The following PKIG variants were observed in gnomAD, a reference collection of about 807,000 sequenced individuals.
The protein encoded by PKIG is protein kinase (cAMP-dependent, catalytic) inhibitor gamma.
Under a neutral mutation model 6.8 loss-of-function variants are expected in PKIG, and 1 was observed. The observed-to-expected ratio is 0.15, with a 90% CI of 0.05 to 0.69. PKIG has a LOEUF of 0.69. Among genes scored for constraint, PKIG ranks in the 30% least tolerant of loss-of-function variants. The pLI is 0.82. For missense variants in PKIG, 77 were observed against 104.0 expected (o/e 0.74, Z 1.13); for synonymous variants, 39 against 43.0 (o/e 0.91, Z 0.36).
chr20:44,615,083 A>G (rs762391495), intron 3 of PKIG, among the ~76,000 whole-genome samples: 16 of 151,894 alleles, frequency 1.1e-4, no homozygotes, highest in South Asian at 6.2e-4. Context: ...GTTCAGCTCT[A>G]TGCAGCAGCC....
chr20:44,541,351 C>T (rs573773607), intron 1 of PKIG, among the ~76,000 whole-genome samples: 28 of 152,190 alleles, frequency 1.8e-4, no homozygotes, highest in Non-Finnish European at 3.4e-4. Context: ...TACTGTGGTG[C>T]AACCATAGTT....
chr20:44,543,173 T>C lies in PKIG; in HGVS notation c.-241+11195T>C, dbSNP rs567259275. Among the ~76,000 whole-genome samples, 17 of 152,298 alleles carry C rather than the reference T, an allele frequency of 1.1e-4. No homozygotes were observed. In the South Asian group the frequency reaches 3.5e-3, roughly 32 times the overall value. On this transcript the variant is annotated intron_variant, in intron 1 of 4. Transcript: ENST00000372887. ...AGCTTCCTCACTTGTAAAGTGGATATTATGAGAGTTCCTTGTTTCTTGTGA... is the reference window on the plus strand; with the variant it reads ...AGCTTCCTCACTTGTAAAGTGGATACTATGAGAGTTCCTTGTTTCTTGTGA...
intron 1 of PKIG, among the ~76,000 whole-genome samples, chr20:44,539,670 C>T (rs764394582): frequency 1.4e-4 from 21 of 152,024 alleles, no homozygotes; most frequent in South Asian, 2.1e-4. Context: ...CCACCTGCCT[C>T]GGCCTCCCAA....
At chr20:44,605,386 G>C (rs1321414471) in intron 2 of PKIG, among the ~76,000 whole-genome samples, 2 of 121,424 alleles carry the variant, frequency 1.6e-5, no homozygotes, top group Admixed American at 2.1e-4. Flanking sequence ...CAGCCTGGGC[G>C]ACAGAGTGAG....
chr20:44,540,949 C>T (rs2064556214), intron 1 of PKIG, among the ~76,000 whole-genome samples: 1 of 152,110 alleles, frequency 6.6e-6, no homozygotes, highest in Non-Finnish European at 1.5e-5. Context: ...GCACTGGAAC[C>T]ATTAAAGGAA....
chr20:44,587,512 TGTA>T (rs1339837819), intron 1 of PKIG, among the ~76,000 whole-genome samples: 2 of 152,170 alleles, frequency 1.3e-5, no homozygotes, highest in African/African-American at 4.8e-5. Context: ...AGTCCAAAGT[TGTA>T]GTAAGGAAAC....
At chr20:44,615,149 C>T (rs1473686443) in intron 3 of PKIG, among the ~76,000 whole-genome samples, 2 of 151,994 alleles carry the variant, frequency 1.3e-5, no homozygotes, top group East Asian at 3.9e-4. Flanking sequence ...AAAAAAAAAT[C>T]CCCCAGTGGC....
chr20:44,565,815 T>G (rs1411882121), intron 1 of PKIG, among the ~76,000 whole-genome samples: 2 of 152,264 alleles, frequency 1.3e-5, no homozygotes, highest in East Asian at 3.9e-4. Flanking sequence ...CAGGCTGGAG[T>G]GCAGTGGCAC....
chr20:44,598,107 G>A (rs1424345962), intron 2 of PKIG, among the ~76,000 whole-genome samples: 1 of 152,166 alleles, frequency 6.6e-6, no homozygotes, highest in African/African-American at 2.4e-5. Flanking sequence ...ACCGCTGAAG[G>A]CTGGCCGGCT....
chr20:44,587,511 T>C (rs1282628920), intron 1 of PKIG, among the ~76,000 whole-genome samples: 1 of 152,132 alleles, frequency 6.6e-6, no homozygotes, highest in Non-Finnish European at 1.5e-5. Flanking sequence ...AAGTCCAAAG[T>C]TGTAGTAAGG....
In PKIG at chr20:44,592,268, T is replaced by C. The variant is rs200887213; in HGVS notation, c.-24+2402T>C. ...AAGGGCCGGAGTCTGGAGTTCGTGC[T>C]CTCTGACTTCTGTGGGTAGCATCTG... On this transcript the variant is annotated intron_variant, in intron 2 of 3. Coordinates refer to ENST00000372886, the MANE Select transcript of PKIG (RefSeq NM_001281445.2). Among the ~76,000 whole-genome samples the C allele has an allele frequency of 3.3e-5, 5 of 152,188 alleles. No individual in the cohort carries two copies. The East Asian group carries it at 9.6e-4, about 29-fold the overall frequency.
intron 2 of PKIG, among the ~76,000 whole-genome samples, chr20:44,605,954 C>T (rs1469554776): frequency 1.3e-5 from 2 of 152,002 alleles, no homozygotes; most frequent in Non-Finnish European, 2.9e-5. Context: ...CTTTACTAAT[C>T]TTAGAGTGGG....
intron 1 of PKIG, among the ~76,000 whole-genome samples, chr20:44,562,390 C>T (rs1390078445): frequency 3.3e-5 from 5 of 151,548 alleles, no homozygotes; most frequent in Admixed American, 1.3e-4. Flanking sequence ...GCGGGCAAAT[C>T]ACTTGAGCTC....
intron 1 of PKIG, among the ~76,000 whole-genome samples, chr20:44,533,822 G>T (rs1481266968): frequency 6.6e-6 from 1 of 152,226 alleles, no homozygotes; most frequent in Non-Finnish European, 1.5e-5. Context: ...AGTAATGAAG[G>T]CCAAAGGGAG....
chr20:44,579,237 T>C (rs244111), upstream of PKIG, among the ~76,000 whole-genome samples: 477 of 152,324 alleles, frequency 3.1e-3, 1 homozygote, highest in African/African-American at 0.011. Flanking sequence ...GTATGTTTCT[T>C]AAGAGAGAAA....
rs1555835147 is a variant in PKIG at position 44,558,574 on chromosome 20, T to TTTTCTTTTTCTTTCTTTC, written c.-240-24004_-240-24003insTTCTTTCTTTCTTTCTTT. Among the ~76,000 whole-genome samples the TTTTCTTTTTCTTTCTTTC allele has an allele frequency of 3.8e-5, 5 of 131,900 alleles. No homozygotes were observed. In the Admixed American group the frequency reaches 4.1e-4, roughly 11 times the overall value. The allele number at this position is 131,900 out of a possible 152,430, so 86.5% of individuals were successfully genotyped here. A position where few individuals can be genotyped will look rare whatever the true frequency, so the allele number is the denominator to read the frequency against. ...ATTTCTTTTTCTTTCTTTTTTTCTT[T>TTTTCTTTTTCTTTCTTTC]TTTCTTTCTTTCTTTCTTTCTTTCT... On this transcript the variant is annotated intron_variant, in intron 1 of 4. Transcript: ENST00000372887.
At chr20:44,576,667 TGAG>T (rs1464456611) in intron 1 of PKIG, among the ~76,000 whole-genome samples, 2 of 152,082 alleles carry the variant, frequency 1.3e-5, no homozygotes, top group African/African-American at 4.8e-5. Context: ...ACCCCTAAAA[TGAG>T]GAGACCACAT....
chr20:44,611,215 C>T (rs114293667), intron 2 of PKIG, among the ~76,000 whole-genome samples: 4,059 of 151,826 alleles, frequency 0.027, 197 homozygotes, highest in Admixed American at 0.14. Flanking sequence ...CTACCACACC[C>T]GACTAATTTT....
chr20:44,609,533 C>T (rs182850303), intron 2 of PKIG, among the ~76,000 whole-genome samples: 2 of 152,324 alleles, frequency 1.3e-5, no homozygotes, highest in East Asian at 1.9e-4. Context: ...CACAAACTCC[C>T]TCTCCTTCAG....
Sources: gnomAD v4.1 joint callset for allele counts (sites outside exome capture counted in the v4.1 genomes callset) on GRCh38, gnomAD v4.1.1 for gene constraint, MANE v1.5 for transcripts, NCBI Gene and HGNC (gene_info 2026-07-23, HGNC 2026-07-21) for gene names.